The following CCDC102B variants were observed in gnomAD, a reference collection of about 807,000 sequenced individuals.
CCDC102B encodes the protein coiled-coil domain-containing protein 102B.
Under a neutral mutation model 57.4 loss-of-function variants are expected in CCDC102B, and 75 were observed. The observed-to-expected ratio is 1.31, with a 90% CI of 1.08 to 1.58. The LOEUF (loss-of-function observed/expected upper bound fraction) is 1.58. Ranked by LOEUF, CCDC102B falls within the 40% of genes most tolerant of loss-of-function variation. The probability of loss-of-function intolerance (pLI) is 0.00; values close to 1 mark genes in which losing one functional copy is unlikely to be tolerated. For missense variants in CCDC102B, 636 were observed against 582.6 expected (o/e 1.09, Z -0.94); for synonymous variants, 206 against 201.9 (o/e 1.02, Z -0.17).
At chr18:68,830,990 T>G (rs1306092657) in intron 1 of CCDC102B, among the ~76,000 whole-genome samples, 1 of 152,036 alleles carries the variant, frequency 6.6e-6, no homozygotes, top group Non-Finnish European at 1.5e-5. Context: ...TTTGGATCTC[T>G]CTGTATTTCT....
chr18:69,050,796 T>C (rs2052684743), intron 7 of CCDC102B, among the ~76,000 whole-genome samples: 1 of 152,130 alleles, frequency 6.6e-6, no homozygotes, highest in Non-Finnish European at 1.5e-5. Context: ...TATTTTAAAA[T>C]ACCTTATTTC....
rs571297362 is a variant in CCDC102B at position 69,023,765 on chromosome 18, A to G, written c.1434+12661A>G. On this transcript the variant is annotated intron_variant, in intron 7 of 7. Transcript: ENST00000360242. ...CCCTATTTTTATATATTATCATATT[A>G]TTTGCACCATGATAATAAAACTGAT... 2.2e-4 allele frequency among the ~76,000 whole-genome samples: 34 copies of G among 152,098 alleles called. No homozygotes were observed. The Middle Eastern group carries it at 0.01, about 46-fold the overall frequency.
rs778412165 is a variant in CCDC102B at position 68,837,055 on chromosome 18, T to G, written c.292T>G (p.Cys98Gly). ...MEKTMRWWSD[C>G]TANWREKWSK... Reference sequence around the variant, plus strand: ...AAAGACCATGCGGTGGTGGTCGGACTGCACTGCCAACTGGAGAGAAAAATG... The same window carrying G: ...AAAGACCATGCGGTGGTGGTCGGACGGCACTGCCAACTGGAGAGAAAAATG... The change falls in exon 2 of 8, where the codon TGC becomes GGC. Residue 98 changes from cysteine to glycine, a missense_variant. Transcript: ENST00000360242. 1 of 1,614,104 alleles carries G rather than the reference T, an allele frequency of 6.2e-7. No individual in the cohort carries two copies. Among genetic ancestry groups the G allele is most frequent in the Non-Finnish European group, 8.5e-7 (1 of 1,180,018 alleles).
At chr18:68,884,669 C>T (rs1181124091) in intron 5 of CCDC102B, among the ~76,000 whole-genome samples, 1 of 149,996 alleles carries the variant, frequency 6.7e-6, no homozygotes, top group East Asian at 2.0e-4. Context: ...TATATACACA[C>T]ATATATATAT....
At chr18:68,792,132 G>A (rs556580366) in intron 2 of CCDC102B, among the ~76,000 whole-genome samples, 1 of 152,266 alleles carries the variant, frequency 6.6e-6, no homozygotes, top group South Asian at 2.1e-4. Flanking sequence ...ACCATTTACT[G>A]CTGCTATGAG....
At chr18:68,934,657 A>T (rs964643561) in intron 6 of CCDC102B, among the ~76,000 whole-genome samples, 2 of 152,002 alleles carry the variant, frequency 1.3e-5, no homozygotes, top group African/African-American at 4.8e-5. Context: ...AGAGGGAAAA[A>T]CTGTAAAAAA....
intron 7 of CCDC102B, among the ~76,000 whole-genome samples, chr18:69,018,814 TA>T (rs1438215113): frequency 6.6e-6 from 1 of 152,074 alleles, no homozygotes; most frequent in African/African-American, 2.4e-5. Context: ...GTGCTTTGGG[TA>T]TCATATTCAA....
upstream of CCDC102B, among the ~76,000 whole-genome samples, chr18:68,796,113 T>A (rs1442742115): frequency 6.6e-6 from 1 of 152,140 alleles, no homozygotes; most frequent in East Asian, 1.9e-4. Context: ...TACTGTATCT[T>A]TTTAAAGATG....
At chr18:68,724,404 T>C (rs561906828) in intron 2 of CCDC102B, among the ~76,000 whole-genome samples, 1 of 152,340 alleles carries the variant, frequency 6.6e-6, no homozygotes, top group South Asian at 2.1e-4. Context: ...TTCTATCCTA[T>C]CGTCAGGCTG....
chr18:68,968,849 A>G (rs185870375), intron 6 of CCDC102B, among the ~76,000 whole-genome samples: 1 of 152,188 alleles, frequency 6.6e-6, no homozygotes, highest in Admixed American at 6.6e-5. Flanking sequence ...AGGTCCATAC[A>G]TGTTCTCCCT....
chr18:68,731,361 G>A (rs1411950461), intron 2 of CCDC102B, among the ~76,000 whole-genome samples: 1 of 152,078 alleles, frequency 6.6e-6, no homozygotes, highest in Admixed American at 6.6e-5. Context: ...TCTAGTTCCT[G>A]TGTCCTTTTG....
At chr18:68,852,683 T>C (rs1005182184) in intron 4 of CCDC102B, among the ~76,000 whole-genome samples, 1 of 152,210 alleles carries the variant, frequency 6.6e-6, no homozygotes, top group Non-Finnish European at 1.5e-5. Context: ...TATGGAAGTA[T>C]ACACTTTATT....
intron 6 of CCDC102B, among the ~76,000 whole-genome samples, chr18:68,995,590 G>T (rs1295355045): frequency 2.0e-5 from 3 of 152,092 alleles, no homozygotes; most frequent in Non-Finnish European, 4.4e-5. Context: ...GCCTGTAGGT[G>T]CACAGAAGTC....
intron 6 of CCDC102B, among the ~76,000 whole-genome samples, chr18:68,931,560 A>G (rs947077354): frequency 6.6e-6 from 1 of 151,914 alleles, no homozygotes; most frequent in African/African-American, 2.4e-5. Flanking sequence ...CACAGTTTAT[A>G]AACATATATA....
intron 7 of CCDC102B, among the ~76,000 whole-genome samples, chr18:69,028,382 G>C (rs1360351876): frequency 1.3e-5 from 2 of 152,168 alleles, no homozygotes; most frequent in East Asian, 1.9e-4. Context: ...AGTTGGGAGA[G>C]AGTGTGAAAA....
intron 7 of CCDC102B, among the ~76,000 whole-genome samples, chr18:69,038,952 A>ATTTG (rs556899308): frequency 1.5e-3 from 227 of 152,148 alleles, no homozygotes; most frequent in African/African-American, 5.2e-3. Flanking sequence ...TTTTTATTAA[A>ATTTG]TACTAATCTT....
At chr18:68,808,200 TTTATA>T (rs565017441) in intron 1 of CCDC102B, among the ~76,000 whole-genome samples, 236 of 152,270 alleles carry the variant, frequency 1.5e-3, no homozygotes, top group African/African-American at 5.4e-3. Flanking sequence ...GATTACTTGT[TTTATA>T]TTATATTAAG....
intron 7 of CCDC102B, among the ~76,000 whole-genome samples, chr18:69,045,144 G>C (rs1018955902): frequency 1.3e-5 from 2 of 151,912 alleles, no homozygotes; most frequent in Non-Finnish European, 2.9e-5. Flanking sequence ...GTCACATTAG[G>C]ATTTAATGCT....
At chr18:68,739,848 T>G (rs2033307490) in intron 2 of CCDC102B, among the ~76,000 whole-genome samples, 1 of 152,204 alleles carries the variant, frequency 6.6e-6, no homozygotes, top group African/African-American at 2.4e-5. Flanking sequence ...GCCCAGGTAG[T>G]AGGATTGCTG....
Sources: gnomAD v4.1 joint callset for allele counts (sites outside exome capture counted in the v4.1 genomes callset) on GRCh38, gnomAD v4.1.1 for gene constraint, MANE v1.5 for transcripts, NCBI Gene and HGNC (gene_info 2026-07-23, HGNC 2026-07-21) for gene names.